ITGAV: variants seen among roughly 807,000 people sequenced by gnomAD.
ITGAV encodes integrin alpha-V.
In ITGAV, 76 loss-of-function variants were observed where a neutral mutation model predicts 143.8. The ratio of observed to expected loss-of-function variants is 0.53; its 90% CI spans 0.44 to 0.64. The LOEUF is 0.64. Ranked by LOEUF, ITGAV falls within the 30% of genes least tolerant of loss-of-function variation. The probability of loss-of-function intolerance (pLI) is 0.00; values close to 1 mark genes in which losing one functional copy is unlikely to be tolerated. For synonymous variants in ITGAV, 453 were observed against 446.7 expected (o/e 1.01, Z -0.18); for missense variants, 1,193 against 1,274.7 (o/e 0.94, Z 0.98).
At chr2:186,600,644 G>T (rs1460794563) in intron 1 of ITGAV, among the ~76,000 whole-genome samples, 1 of 148,048 alleles carries the variant, frequency 6.8e-6, no homozygotes, top group Non-Finnish European at 1.5e-5. Context: ...CTAAGGGAAT[G>T]TAAGCTAAAT....
Position 186,668,878 on chromosome 2 carries a change from G to A in ITGAV, c.2550G>A (p.Met850Ile). The change falls in exon 25 of 30, where the codon ATG (methionine) becomes ATA (isoleucine). Residue 850 changes from methionine (M) to isoleucine (I), a missense_variant. By Grantham distance (10) the Met-to-Ile change is conservative. Transcript: ENST00000261023. ...TTCATTATGATATTGATGGACCAAT[G>A]AACTGCACTTCAGATATGGAGATCA... ...YILHYDIDGPMNCTSDMEINP... is the reference protein window; with the variant it reads ...YILHYDIDGPINCTSDMEINP... 6.2e-7 allele frequency: 1 copy of A among 1,612,812 alleles called. No homozygotes were observed. The highest frequency in any genetic ancestry group is 8.5e-7 in the Non-Finnish European group (1 of 1,179,456).
At chr2:186,655,380 A>G (rs1688554047) in intron 16 of ITGAV, among the ~76,000 whole-genome samples, 1 of 152,184 alleles carries the variant, frequency 6.6e-6, no homozygotes, top group Non-Finnish European at 1.5e-5. Flanking sequence ...AAAACTTTTC[A>G]GTAGAGACCT....
At chr2:186,638,945 A>G (rs937457543) in intron 10 of ITGAV, among the ~76,000 whole-genome samples, 9 of 149,998 alleles carry the variant, frequency 6.0e-5, no homozygotes, top group Non-Finnish European at 1.3e-4. Context: ...ATACAAAACC[A>G]CAAAGACTTC....
rs200542347 is a variant in ITGAV, at chr2:186,590,434, C to T, written c.96C>T (p.Asn32=). The stretch of plus-strand genomic sequence containing the variant: ...TGCTACCTCTGTGCCGCGCCTTCAA[C>T]CTAGACGTGGACAGTCCTGCCGAGT... ...GLLLPLCRAF[N]LDVDSPAEYS... Residue 32 remains asparagine, a synonymous_variant, in exon 1 of 30, where the codon AAC becomes AAT. Coordinates refer to ENST00000261023, the MANE Select transcript of ITGAV (RefSeq NM_002210.5). 21 of 1,613,224 alleles carry T rather than the reference C, an allele frequency of 1.3e-5. No homozygotes were observed. In the African/African-American group the frequency reaches 2.4e-4, roughly 18 times the overall value.
chr2:186,657,851 G>C (rs141592115), intron 17 of ITGAV, among the ~76,000 whole-genome samples: 13 of 152,018 alleles, frequency 8.6e-5, no homozygotes, highest in Non-Finnish European at 1.9e-4. Context: ...AATAGAATTG[G>C]CCATTAATCT....
chr2:186,598,595 G>A (rs951116091), intron 1 of ITGAV, among the ~76,000 whole-genome samples: 5 of 151,696 alleles, frequency 3.3e-5, no homozygotes, highest in African/African-American at 9.7e-5. Flanking sequence ...ATGCCACCAC[G>A]CCTGGCTAAT....
intron 2 of ITGAV, among the ~76,000 whole-genome samples, chr2:186,602,800 C>A (rs1273204682): frequency 6.6e-6 from 1 of 151,518 alleles, no homozygotes; most frequent in African/African-American, 2.4e-5. Context: ...TCTCTTGAAC[C>A]TGGGAGGTGG....
chr2:186,668,201 TATATATATA>T (rs1559068079), intron 24 of ITGAV, among the ~76,000 whole-genome samples: 14 of 17,684 alleles, frequency 7.9e-4, no homozygotes, highest in Non-Finnish European at 2.0e-3. Context: ...TATATATATA[TATATATATA>T]TATATATTTT....
At chr2:186,595,262 G>A (rs752811681) in intron 1 of ITGAV, among the ~76,000 whole-genome samples, 28 of 152,228 alleles carry the variant, frequency 1.8e-4, no homozygotes, top group Non-Finnish European at 2.8e-4. Context: ...AAAGGTCAGT[G>A]CTGAAAGCAG....
At chr2:186,624,834 G>A (rs1292362163) in intron 3 of ITGAV, among the ~76,000 whole-genome samples, 1 of 151,876 alleles carries the variant, frequency 6.6e-6, no homozygotes, top group African/African-American at 2.4e-5. Context: ...AATTTAGGGG[G>A]TATATTCCAT....
rs1689306726 is a variant in ITGAV, at chr2:186,679,856, A to G, written c.*2564A>G. On this transcript the variant is annotated 3_prime_UTR_variant, in exon 30 of 30. Coordinates refer to ENST00000261023, the MANE Select transcript of ITGAV (RefSeq NM_002210.5). ...AACAATTAGTCAAAATATTATTGCC[A>G]TCATTCTACCTGTGTTATGAAACTA... is the stretch of plus-strand genomic sequence containing the variant. 6.6e-6 allele frequency: 1 copy of G among 152,048 alleles called. No individual in the cohort carries two copies. The highest frequency in any genetic ancestry group is 2.1e-4 in the South Asian group (1 of 4,830). 9.4% of individuals were successfully genotyped at this position (152,048 alleles called of 1,614,324 possible). A position where few individuals can be genotyped will look rare whatever the true frequency, so the allele number is the denominator to read the frequency against.
intron 14 of ITGAV, among the ~76,000 whole-genome samples, chr2:186,651,675 T>G (rs1000662801): frequency 6.6e-6 from 1 of 152,178 alleles, no homozygotes; most frequent in African/African-American, 2.4e-5. Context: ...TCGGTAGATA[T>G]CTCACAACTT....
Position 186,625,457 on chromosome 2 carries a change from A to C in ITGAV, c.409-16A>C, listed in dbSNP as rs1010603944. ...TTAGAAAATCTTCGTGTCGTGGACT[A>C]AACCTTTGATTTTAGGCCTGTGCCC... is the stretch of plus-strand genomic sequence containing the variant. On this transcript the variant is annotated splice_polypyrimidine_tract_variant and intron_variant, in intron 3 of 29. Coordinates refer to ENST00000261023, the MANE Select transcript of ITGAV (RefSeq NM_002210.5). The C allele has an allele frequency of 6.4e-7, 1 of 1,568,814 alleles. No individual in the cohort carries two copies. Among genetic ancestry groups the C allele is most frequent in the Non-Finnish European group, 8.8e-7 (1 of 1,139,706 alleles).
chr2:186,663,701 G>A, intron 18 of ITGAV, 67 bp from the exon 19 acceptor site: 1 of 1,109,972 alleles, frequency 9.0e-7, no homozygotes. Context: ...CATAGATATT[G>A]ATAAACACTG....
intron 2 of ITGAV, among the ~76,000 whole-genome samples, chr2:186,619,517 A>G (rs939176341): frequency 1.3e-5 from 2 of 151,796 alleles, no homozygotes; most frequent in Admixed American, 1.3e-4. Context: ...AAAATAATGT[A>G]TTGTCTAATT....
At chr2:186,630,058 TTTAA>T (rs1293723892) in intron 4 of ITGAV, among the ~76,000 whole-genome samples, 3 of 152,108 alleles carry the variant, frequency 2.0e-5, no homozygotes, top group African/African-American at 7.2e-5. Flanking sequence ...AGATGGTTAC[TTTAA>T]TTAGATCTCC....
At chr2:186,660,228 C>T (rs1404393566) in intron 18 of ITGAV, among the ~76,000 whole-genome samples, 2 of 152,186 alleles carry the variant, frequency 1.3e-5, no homozygotes, top group South Asian at 4.2e-4. Flanking sequence ...ACTCCCCATC[C>T]AATTTCTTTA....
chr2:186,671,865 A>T (rs1689070750), intron 26 of ITGAV, among the ~76,000 whole-genome samples: 1 of 151,942 alleles, frequency 6.6e-6, no homozygotes, highest in Non-Finnish European at 1.5e-5. Context: ...ATAGTATCAT[A>T]CAACATATGG....
chr2:186,604,065 T>C lies in ITGAV; in HGVS notation c.316+1914T>C, dbSNP rs549409418. ...ATTTTTTTTTTTAAAGAGATGGGGT[T>C]TTGCCATATTGCCCAGGCTGGTCTC... On this transcript the variant is annotated intron_variant, in intron 2 of 29. Transcript: ENST00000261023. Among the ~76,000 whole-genome samples, 5 of 151,898 alleles carry C rather than the reference T, an allele frequency of 3.3e-5. No individual in the cohort carries two copies. In the South Asian group the frequency reaches 1.0e-3, roughly 32 times the overall value.
Sources: allele counts gnomAD v4.1 joint callset (sites outside exome capture counted in the v4.1 genomes callset), GRCh38; gene constraint gnomAD v4.1.1; transcripts MANE v1.5; gene names NCBI Gene and HGNC (gene_info 2026-07-23, HGNC 2026-07-21).